PDE4D: variants seen among roughly 807,000 people sequenced by gnomAD.
PDE4D encodes the protein phosphodiesterase 4D, also known as 3',5'-cyclic-AMP phosphodiesterase 4D.
A neutral mutation model predicts 87.4 loss-of-function variants in PDE4D; 24 were observed. The ratio of observed to expected loss-of-function variants is 0.27; its 90% CI spans 0.20 to 0.39. The LOEUF (loss-of-function observed/expected upper bound fraction) is 0.39, where lower values mean the gene tolerates loss of function less well. Ranked by LOEUF, PDE4D falls within the 10% of genes least tolerant of loss-of-function variation. The pLI is 1.00. For synonymous variants in PDE4D, 384 were observed against 383.2 expected (o/e 1.00, Z -0.02); for missense variants, 714 against 1,041.0 (o/e 0.69, Z 4.32).
intron 1 of PDE4D, among the ~76,000 whole-genome samples, chr5:59,705,545 C>T (rs760872878): frequency 4.6e-5 from 7 of 152,122 alleles, no homozygotes; most frequent in Non-Finnish European, 1.0e-4. Flanking sequence ...TTTCCCCAGG[C>T]TACGGTAAAT....
At chr5:60,502,267 C>G (rs1210835210) in intron 1 of PDE4D, among the ~76,000 whole-genome samples, 5 of 152,168 alleles carry the variant, frequency 3.3e-5, no homozygotes, top group Admixed American at 3.3e-4. Context: ...GGAATCCTTT[C>G]CCCATTGCTT....
At chr5:59,725,793 T>C (rs1214779611) in intron 1 of PDE4D, among the ~76,000 whole-genome samples, 1 of 151,932 alleles carries the variant, frequency 6.6e-6, no homozygotes, top group Non-Finnish European at 1.5e-5. Context: ...CTTTATTTAA[T>C]TAAACAAACT....
intron 1 of PDE4D, among the ~76,000 whole-genome samples, chr5:60,308,004 G>A (rs185455961): frequency 9.1e-4 from 139 of 152,244 alleles, no homozygotes; most frequent in Middle Eastern, 3.4e-3. Context: ...TAGCACCATT[G>A]CTCTCCAGCC....
intron 1 of PDE4D, among the ~76,000 whole-genome samples, chr5:59,766,016 CTG>C (rs531077743): frequency 3.1e-3 from 471 of 152,318 alleles, no homozygotes; most frequent in Non-Finnish European, 5.1e-3. Flanking sequence ...GAGCAGGAAA[CTG>C]TGAGGCAGAA....
At chr5:59,991,754 G>A (rs1763027435) in intron 2 of PDE4D, among the ~76,000 whole-genome samples, 2 of 152,154 alleles carry the variant, frequency 1.3e-5, no homozygotes, top group African/African-American at 2.4e-5. Context: ...GAGCCTCTGT[G>A]TACTTATGTA....
At chr5:59,052,451 G>T (rs1298806573) in intron 5 of PDE4D, among the ~76,000 whole-genome samples, 1 of 152,160 alleles carries the variant, frequency 6.6e-6, no homozygotes, top group Non-Finnish European at 1.5e-5. Flanking sequence ...TTGAGCTAGT[G>T]GATATTGTGG....
chr5:59,038,020 G>A (rs756546642), intron 6 of PDE4D, among the ~76,000 whole-genome samples: 1 of 152,064 alleles, frequency 6.6e-6, no homozygotes, highest in Non-Finnish European at 1.5e-5. Context: ...ATCTGCATAC[G>A]ACATGCACAG....
intron 3 of PDE4D, among the ~76,000 whole-genome samples, chr5:59,919,569 A>G (rs1581736467): frequency 2.0e-5 from 3 of 152,306 alleles, no homozygotes; most frequent in South Asian, 4.1e-4. Flanking sequence ...TCTAAAAGCC[A>G]TATCTGACAT....
chr5:60,285,027 C>G (rs1026052651), intron 1 of PDE4D, among the ~76,000 whole-genome samples: 2 of 151,982 alleles, frequency 1.3e-5, no homozygotes, highest in Non-Finnish European at 2.9e-5. Context: ...AGTTAAGGCA[C>G]TTGAGAAGCA....
At chr5:59,018,924 G>A (rs1022526801) in intron 6 of PDE4D, among the ~76,000 whole-genome samples, 1 of 148,566 alleles carries the variant, frequency 6.7e-6, no homozygotes, top group Middle Eastern at 3.3e-3. Flanking sequence ...CAACACCCAA[G>A]TAAAATCCTG....
intron 2 of PDE4D, among the ~76,000 whole-genome samples, chr5:60,180,636 A>G (rs561940361): frequency 6.6e-6 from 1 of 152,306 alleles, no homozygotes. Flanking sequence ...GGATACTCAG[A>G]GCCTAACACA....
chr5:59,293,230 A>G (rs1029330713), intron 1 of PDE4D, among the ~76,000 whole-genome samples: 11 of 152,198 alleles, frequency 7.2e-5, no homozygotes, highest in African/African-American at 2.7e-4. Flanking sequence ...CTTAAAAAAT[A>G]CAGTTATTTA....
intron 1 of PDE4D, among the ~76,000 whole-genome samples, chr5:60,426,141 G>A (rs1743692313): frequency 6.6e-6 from 1 of 152,096 alleles, no homozygotes; most frequent in South Asian, 2.1e-4. Context: ...TCAAGGATCT[G>A]GAACTAGAAA....
chr5:60,107,659 C>A (rs547827042), intron 2 of PDE4D, among the ~76,000 whole-genome samples: 1 of 152,148 alleles, frequency 6.6e-6, no homozygotes, highest in Non-Finnish European at 1.5e-5. Context: ...GTTTATCCAC[C>A]ATGATCAAGT....
chr5:59,888,225 G>A (rs926834243), intron 1 of PDE4D, among the ~76,000 whole-genome samples: 9 of 152,296 alleles, frequency 5.9e-5, no homozygotes, highest in Middle Eastern at 6.8e-3. Context: ...ATAAGACAAG[G>A]ACTTAGGAAC....
At chr5:59,053,146 G>C (rs760729844) in intron 5 of PDE4D, among the ~76,000 whole-genome samples, 1 of 151,956 alleles carries the variant, frequency 6.6e-6, no homozygotes, top group South Asian at 2.1e-4. Context: ...GGGGAAGAAG[G>C]CATGTCATTT....
Position 59,531,442 on chromosome 5 carries a change from T to C in PDE4D, c.456-315474A>G, listed in dbSNP as rs1234607692. ...TTTCTTGAATATTGTCTATCTTTTC[T>C]GTAGTTTTCTGCTGCTGGTGTAACA... On this transcript the variant is annotated intron_variant, in intron 1 of 14. Coordinates refer to ENST00000340635, the MANE Select transcript of PDE4D (RefSeq NM_001104631.2). Among the ~76,000 whole-genome samples, 6 of 152,248 alleles carry C rather than the reference T, an allele frequency of 3.9e-5. No individual in the cohort carries two copies. The East Asian group carries it at 1.2e-3, about 29-fold the overall frequency.
chr5:60,084,920 G>C (rs1009924846), intron 2 of PDE4D, among the ~76,000 whole-genome samples: 5 of 151,966 alleles, frequency 3.3e-5, no homozygotes, highest in African/African-American at 1.2e-4. Context: ...ATATAATACG[G>C]GCCTCCAGGA....
In PDE4D at chr5:59,629,327, G is replaced by A. The variant is rs1831280473; in HGVS notation, c.455+263841C>T. 2.0e-5 allele frequency among the ~76,000 whole-genome samples: 3 copies of A among 152,102 alleles called. No homozygotes were observed. In the South Asian group the frequency reaches 6.2e-4, roughly 32 times the overall value. On this transcript the variant is annotated intron_variant, in intron 1 of 14. Transcript: ENST00000340635. ...GGTTTTTGCAGATGTTATTAGTTAA[G>A]ATGAGGTCATATAGGAGTAAGATGC... is the stretch of plus-strand genomic sequence containing the variant.
Sources: allele counts gnomAD v4.1 joint callset (sites outside exome capture counted in the v4.1 genomes callset), GRCh38; gene constraint gnomAD v4.1.1; transcripts MANE v1.5; gene names NCBI Gene and HGNC (gene_info 2026-07-23, HGNC 2026-07-21).